GTF2E1: variants seen among roughly 807,000 people sequenced by gnomAD.
GTF2E1 encodes the protein TFIIE alpha subunit.
A neutral mutation model predicts 34.9 loss-of-function variants in GTF2E1; 14 were observed. The observed-to-expected ratio is 0.40, with a 90% CI of 0.27 to 0.63. The LOEUF is 0.63. GTF2E1 is among the 20% of genes least tolerant of loss of function. The pLI is 0.39. For synonymous variants in GTF2E1, 188 were observed against 192.9 expected, an observed-to-expected ratio of 0.97 and a Z score of 0.21; for missense variants, 469 against 557.7, an observed-to-expected ratio of 0.84 and a Z score of 1.60.
intron 2 of GTF2E1, among the ~76,000 whole-genome samples, chr3:120,756,829 G>C (rs1411467300): frequency 6.6e-6 from 1 of 152,100 alleles, no homozygotes; most frequent in Non-Finnish European, 1.5e-5. Context: ...GGGAGGCTGA[G>C]GCAGGAGAAT....
chr3:120,773,140 C>T (rs1025518378), intron 3 of GTF2E1, among the ~76,000 whole-genome samples: 2 of 143,852 alleles, frequency 1.4e-5, no homozygotes, highest in South Asian at 2.1e-4. Context: ...ATCATTTCCA[C>T]GTGGTCAGGA....
chr3:120,747,079 C>A (rs1709112439), intron 1 of GTF2E1, among the ~76,000 whole-genome samples: 1 of 151,680 alleles, frequency 6.6e-6, no homozygotes, highest in Non-Finnish European at 1.5e-5. Context: ...AATTTCAAAG[C>A]CCAGTTTTGT....
chr3:120,780,067 T>C (rs1576364384), intron 4 of GTF2E1, among the ~76,000 whole-genome samples: 1 of 152,230 alleles, frequency 6.6e-6, no homozygotes, highest in South Asian at 2.1e-4. Flanking sequence ...ATTCTTTTTT[T>C]ATAAAGAGTT....
rs1246629663 is a variant in GTF2E1, at chr3:120,776,037, T to A, written c.651-386T>A. On this transcript the variant is annotated intron_variant, in intron 3 of 4. Coordinates refer to ENST00000283875, the MANE Select transcript of GTF2E1 (RefSeq NM_005513.3). ...TTTTAAAAATACAATGTGTTTTGTT[T>A]TTGTTTTTTAAACAAAATACTGGGA... 2.6e-5 allele frequency among the ~76,000 whole-genome samples: 4 copies of A among 152,212 alleles called. No homozygotes were observed. In the East Asian group the frequency reaches 7.7e-4, roughly 29 times the overall value.
At chr3:120,762,430 A>G (rs1268235676) in intron 2 of GTF2E1, among the ~76,000 whole-genome samples, 2 of 152,162 alleles carry the variant, frequency 1.3e-5, no homozygotes, top group African/African-American at 2.4e-5. Flanking sequence ...TAGGATAGTT[A>G]GCTCTTCTTG....
rs1449342153 is a variant in GTF2E1, at chr3:120,781,041, A to G, written c.893-2A>G. On this transcript the variant is annotated splice_acceptor_variant, in intron 4 of 4. Transcript: ENST00000283875. LOFTEE classifies it high-confidence loss of function. The stretch of plus-strand genomic sequence containing the variant: ...ATTGACTTTCTGAGTTTTACTCCCC[A>G]GGGGGCATAGATATGGACGCATTTC... 2 of 1,600,532 alleles carry G rather than the reference A, an allele frequency of 1.2e-6. No homozygotes were observed. The highest frequency in any genetic ancestry group is 4.5e-5 in the East Asian group (2 of 44,580).
At chr3:120,765,341 G>A (rs970508820) in intron 2 of GTF2E1, among the ~76,000 whole-genome samples, 12 of 152,092 alleles carry the variant, frequency 7.9e-5, no homozygotes, top group Non-Finnish European at 1.3e-4. Flanking sequence ...TATCTGCAAT[G>A]GGATTTATTT....
At chr3:120,754,233 A>G (rs1432811518) in intron 2 of GTF2E1, among the ~76,000 whole-genome samples, 1 of 152,196 alleles carries the variant, frequency 6.6e-6, no homozygotes, top group Non-Finnish European at 1.5e-5. Flanking sequence ...AGGTTAGATG[A>G]TTTGGAAATA....
intron 2 of GTF2E1, among the ~76,000 whole-genome samples, chr3:120,761,545 C>T (rs1709263275): frequency 6.6e-6 from 1 of 152,134 alleles, no homozygotes; most frequent in Non-Finnish European, 1.5e-5. Flanking sequence ...CCTGCTTTCT[C>T]TTGTGGGCAT....
At chr3:120,748,879 A>G (rs1222600992) in intron 1 of GTF2E1, among the ~76,000 whole-genome samples, 1 of 152,226 alleles carries the variant, frequency 6.6e-6, no homozygotes, top group Non-Finnish European at 1.5e-5. Flanking sequence ...CTTCCTACCC[A>G]TGAGCATGGA....
chr3:120,754,048 A>T (rs919246312), intron 2 of GTF2E1, among the ~76,000 whole-genome samples: 17 of 152,174 alleles, frequency 1.1e-4, no homozygotes, highest in African/African-American at 4.1e-4. Context: ...TCATAAATGC[A>T]TGTTTTAGAT....
chr3:120,768,979 C>T (rs1709330587), intron 2 of GTF2E1, among the ~76,000 whole-genome samples: 1 of 152,078 alleles, frequency 6.6e-6, no homozygotes, highest in Non-Finnish European at 1.5e-5. Context: ...ATTCCTCATT[C>T]CTTGAGTTTA....
Position 120,770,786 on chromosome 3 carries a change from C to G in GTF2E1, c.507C>G (p.Pro169=). Residue 169 remains proline (P), a synonymous_variant, in exon 3 of 5, where the codon CCC becomes CCG. Coordinates refer to ENST00000283875, the MANE Select transcript of GTF2E1 (RefSeq NM_005513.3). ...TAGAAGAGGATGAATCAGCAATGCCCAAAAAAGATGCACGCACACTTTTGG... is the reference window on the plus strand; with the variant it reads ...TAGAAGAGGATGAATCAGCAATGCCGAAAAAAGATGCACGCACACTTTTGG... The part of the protein sequence containing the change: ...TEVEEDESAM[P]KKDARTLLAR... 6.2e-6 allele frequency: 10 copies of G among 1,613,490 alleles called. No homozygotes were observed. The highest frequency in any genetic ancestry group is 8.5e-6 in the Non-Finnish European group (10 of 1,179,602).
chr3:120,760,644 A>T (rs1709252077), intron 2 of GTF2E1, among the ~76,000 whole-genome samples: 1 of 152,176 alleles, frequency 6.6e-6, no homozygotes, highest in Non-Finnish European at 1.5e-5. Context: ...AGGGCTGTTG[A>T]ATTTTGTCAA....
chr3:120,764,770 G>T (rs948787021), intron 2 of GTF2E1, among the ~76,000 whole-genome samples: 2 of 152,050 alleles, frequency 1.3e-5, no homozygotes, highest in Admixed American at 1.3e-4. Context: ...CAAGTTTTTG[G>T]TGGGGTTTTC....
intron 1 of GTF2E1, among the ~76,000 whole-genome samples, chr3:120,744,246 G>C (rs188355144): frequency 6.6e-6 from 1 of 152,124 alleles, no homozygotes; most frequent in South Asian, 2.1e-4. Context: ...TACAATGCGT[G>C]GGGGGCTGCC....
chr3:120,761,008 T>C (rs1280641557), intron 2 of GTF2E1, among the ~76,000 whole-genome samples: 1 of 152,226 alleles, frequency 6.6e-6, no homozygotes, highest in Non-Finnish European at 1.5e-5. Flanking sequence ...TGGTACCAGC[T>C]CCTCCTTGTA....
At chr3:120,767,697 G>A (rs914474513) in intron 2 of GTF2E1, among the ~76,000 whole-genome samples, 2 of 152,096 alleles carry the variant, frequency 1.3e-5, no homozygotes, top group Non-Finnish European at 2.9e-5. Flanking sequence ...TACAAGTAGG[G>A]TAAAATCTCA....
rs1460769338 is a variant in GTF2E1, at chr3:120,777,757, G to A, written c.892+1093G>A. On this transcript the variant is annotated intron_variant, in intron 4 of 4. Transcript: ENST00000283875. ...ATGTTAGTTTTTTTGACGGAGTCTC[G>A]CTCTGTTGCCTAGGTTGGAGTACAG... Among the ~76,000 whole-genome samples the A allele has an allele frequency of 4.6e-5, 7 of 152,094 alleles. No homozygotes were observed. In the East Asian group the frequency reaches 5.8e-4, roughly 13 times the overall value.
Sources: allele counts gnomAD v4.1 joint callset (sites outside exome capture counted in the v4.1 genomes callset), GRCh38; gene constraint gnomAD v4.1.1; transcripts MANE v1.5; gene names NCBI Gene and HGNC (gene_info 2026-07-23, HGNC 2026-07-21).